The following ACVR1C variants were observed in gnomAD, a reference collection of about 807,000 sequenced individuals.
ACVR1C encodes activin A receptor type 1C, also known as activin receptor type-1C.
ACVR1C carries 23 observed loss-of-function variants against 57.9 expected under a neutral mutation model. The observed-to-expected ratio is 0.40, with a 90% CI of 0.29 to 0.56. ACVR1C has a LOEUF of 0.56. Among genes scored for constraint, ACVR1C ranks in the 20% least tolerant of loss-of-function variants. The pLI, the probability that ACVR1C is intolerant of heterozygous loss-of-function variation, is 0.50. For missense variants in ACVR1C, 480 were observed against 607.9 expected (o/e 0.79, Z 2.21); for synonymous variants, 214 against 215.3 (o/e 0.99, Z 0.05).
intron 2 of ACVR1C, among the ~76,000 whole-genome samples, chr2:157,579,393 T>C (rs1315356661): frequency 6.6e-6 from 1 of 152,196 alleles, no homozygotes; most frequent in East Asian, 1.9e-4. Flanking sequence ...CCTCAATCAT[T>C]CTTATGCTAA....
At chr2:157,598,169 C>A (rs1682184056) in intron 1 of ACVR1C, among the ~76,000 whole-genome samples, 1 of 148,958 alleles carries the variant, frequency 6.7e-6, no homozygotes, top group Non-Finnish European at 1.5e-5. Flanking sequence ...AAGGGTTACA[C>A]CAAATTTTTG....
chr2:157,591,029 A>C lies in ACVR1C; in HGVS notation c.74-3612T>G, dbSNP rs145105895. ...GGCACATAGGAAATACTATATAAAG[A>C]CTTAGGGACTATCTCTCCTACTACC... is the stretch of plus-strand genomic sequence containing the variant. On this transcript the variant is annotated intron_variant, in intron 1 of 8. Coordinates refer to ENST00000243349, the MANE Select transcript of ACVR1C (RefSeq NM_145259.3). Among the ~76,000 whole-genome samples, 262 of 152,098 alleles carry C rather than the reference A, an allele frequency of 1.7e-3. 1 individual carries two copies. The highest frequency in any genetic ancestry group is 6.0e-3 in the African/African-American group (250 of 41,522).
rs1230047232 is a variant in ACVR1C, at chr2:157,528,710, C to T, written c.*5208G>A. 6.6e-6 allele frequency: 1 copy of T among 152,138 alleles called. No individual in the cohort carries two copies. Among genetic ancestry groups the T allele is most frequent in the African/African-American group, 2.4e-5 (1 of 41,442 alleles). The allele number at this position is 152,138 out of a possible 1,614,324, so 9.4% of individuals were successfully genotyped here. A position where few individuals can be genotyped will look rare whatever the true frequency, so the allele number is the denominator to read the frequency against. ...ATTGTCTTTCCCAGTTACTATTTCT[C>T]AAGCGGAATTTAGCATTAAAGCAAA... is the stretch of plus-strand genomic sequence containing the variant. On this transcript the variant is annotated 3_prime_UTR_variant, in exon 9 of 9. Coordinates refer to ENST00000243349, the MANE Select transcript of ACVR1C (RefSeq NM_145259.3).
chr2:157,624,310 C>A (rs1218747377), intron 1 of ACVR1C, among the ~76,000 whole-genome samples: 1 of 152,158 alleles, frequency 6.6e-6, no homozygotes, highest in African/African-American at 2.4e-5. Flanking sequence ...CCTCCTTATT[C>A]CTGCCTCTAT....
chr2:157,624,202 T>A (rs1682848542), intron 1 of ACVR1C, among the ~76,000 whole-genome samples: 1 of 152,158 alleles, frequency 6.6e-6, no homozygotes, highest in Admixed American at 6.5e-5. Context: ...TATTTATGTA[T>A]CCAAGCCCCT....
At chr2:157,574,805 A>T (rs1234917882) in intron 2 of ACVR1C, among the ~76,000 whole-genome samples, 2 of 152,200 alleles carry the variant, frequency 1.3e-5, no homozygotes, top group African/African-American at 4.8e-5. Flanking sequence ...GGATGGCTTC[A>T]TAAAGTTTTC....
Position 157,531,059 on chromosome 2 carries a change from C to G in ACVR1C, c.*2859G>C, listed in dbSNP as rs1687339725. On this transcript the variant is annotated 3_prime_UTR_variant, in exon 9 of 9. Transcript: ENST00000243349. Reference sequence around the variant, plus strand: ...AAGAACACTGATACTCTGAACATAACCTAAGGAGAATTTTTTTTTTTTTTG... The same window carrying G: ...AAGAACACTGATACTCTGAACATAAGCTAAGGAGAATTTTTTTTTTTTTTG... 1 of 150,644 alleles carries G rather than the reference C, an allele frequency of 6.6e-6. No individual in the cohort carries two copies. The highest frequency in any genetic ancestry group is 1.5e-5 in the Non-Finnish European group (1 of 67,798). 9.3% of individuals were successfully genotyped at this position (150,644 alleles called of 1,614,324 possible).
At chr2:157,625,622 G>C (rs1573963079) in intron 1 of ACVR1C, among the ~76,000 whole-genome samples, 1 of 145,094 alleles carries the variant, frequency 6.9e-6, no homozygotes, top group Non-Finnish European at 1.5e-5. Context: ...GTGCAGGGGG[G>C]TGGGGGGAAG....
At chr2:157,587,088 T>C (rs1336166936) in intron 2 of ACVR1C, 99 bp downstream of exon 2, 1 of 1,103,916 alleles carries the variant, frequency 9.1e-7, no homozygotes, top group Non-Finnish European at 1.3e-6. Flanking sequence ...AAAACAGATT[T>C]TCCTATTTAA....
chr2:157,566,891 G>A (rs913660689), intron 2 of ACVR1C, among the ~76,000 whole-genome samples: 4 of 151,484 alleles, frequency 2.6e-5, no homozygotes, highest in African/African-American at 9.7e-5. Context: ...GCCTGCCTCT[G>A]TAGGCTCCAC....
intron 3 of ACVR1C, among the ~76,000 whole-genome samples, chr2:157,554,272 G>GAAAGAGAAAGAAAGAAAGAAAGA (rs1491411690): frequency 8.4e-5 from 4 of 47,594 alleles, no homozygotes; most frequent in African/African-American, 2.2e-4. Flanking sequence ...AGAAAGAAAG[G>GAAAGAGAAAGAAAGAAAGAAAGA]AAGGAAGGAA....
Position 157,550,204 on chromosome 2 carries a change from G to T in ACVR1C, c.733C>A (p.Arg245=), listed in dbSNP as rs767848107. 3 of 1,613,826 alleles carry T rather than the reference G, an allele frequency of 1.9e-6. No individual in the cohort carries two copies. The highest frequency in any genetic ancestry group is 4.5e-5 in the East Asian group (2 of 44,884). ...ATGAAACCAAGGATGTTTTCATGTCGCAGCATGACCGTCTGGTAAATTTCT... is the reference window on the plus strand; with the variant it reads ...ATGAAACCAAGGATGTTTTCATGTCTCAGCATGACCGTCTGGTAAATTTCT... ...EAEIYQTVML[R]HENILGFIAA... is the part of the protein sequence containing the mutation. Residue 245 remains arginine, a synonymous_variant, in exon 4 of 9, where the codon CGA becomes AGA. Transcript: ENST00000243349.
At chr2:157,586,718 GTAGA>G (rs1688930932) in intron 2 of ACVR1C, among the ~76,000 whole-genome samples, 1 of 152,072 alleles carries the variant, frequency 6.6e-6, no homozygotes, top group South Asian at 2.1e-4. Flanking sequence ...TTGAATGTGG[GTAGA>G]TAAAGAAGAT....
rs10432555 is a variant in ACVR1C at position 157,544,294 on chromosome 2, C to A, written c.943+151G>T. On this transcript the variant is annotated intron_variant, in intron 5 of 8. Transcript: ENST00000243349. The stretch of plus-strand genomic sequence containing the variant: ...TTCCTGGCCTCAAGTGATCCTCTCA[C>A]CTAGACTACCAAAATGCTGGGATTA... 488,894 of 617,834 alleles carry A rather than the reference C, an allele frequency of 0.79. 196,520 individuals are homozygous for A. Among genetic ancestry groups the A allele is most frequent in the East Asian group, 0.94 (25,213 of 26,954 alleles). 38.3% of individuals were successfully genotyped at this position (617,834 alleles called of 1,614,324 possible).
chr2:157,549,319 C>T (rs775015280), intron 4 of ACVR1C, among the ~76,000 whole-genome samples: 8 of 152,068 alleles, frequency 5.3e-5, no homozygotes, highest in Non-Finnish European at 1.2e-4. Flanking sequence ...GAGCTGAGAT[C>T]GTGCCACTGC....
At chr2:157,614,381 T>G (rs1018073792) in intron 1 of ACVR1C, among the ~76,000 whole-genome samples, 5 of 152,168 alleles carry the variant, frequency 3.3e-5, no homozygotes, top group African/African-American at 9.6e-5. Context: ...ATACTTTAAT[T>G]TTTTAAAAAT....
At chr2:157,608,710 G>C (rs983085225) in intron 1 of ACVR1C, among the ~76,000 whole-genome samples, 2 of 151,876 alleles carry the variant, frequency 1.3e-5, no homozygotes, top group African/African-American at 4.8e-5. Context: ...TTGATAGGCT[G>C]TATGTTTCCA....
intron 1 of ACVR1C, among the ~76,000 whole-genome samples, chr2:157,595,843 C>T (rs1682094223): frequency 1.3e-5 from 2 of 152,192 alleles, no homozygotes; most frequent in South Asian, 2.1e-4. Flanking sequence ...TCTCCCCTTT[C>T]TTCTCATTCT....
chr2:157,627,424 T>A (rs1365891002), intron 1 of ACVR1C, among the ~76,000 whole-genome samples: 1 of 152,214 alleles, frequency 6.6e-6, no homozygotes, highest in Non-Finnish European at 1.5e-5. Flanking sequence ...ATCCTCAGAT[T>A]TTGTCAATTA....
Sources: gnomAD v4.1 joint callset for allele counts (sites outside exome capture counted in the v4.1 genomes callset) on GRCh38, gnomAD v4.1.1 for gene constraint, MANE v1.5 for transcripts, NCBI Gene and HGNC (gene_info 2026-07-23, HGNC 2026-07-21) for gene names.